GLIS3: variants seen among roughly 807,000 people sequenced by gnomAD.
GLIS3 encodes the protein zinc finger protein GLIS3.
In GLIS3, 53 loss-of-function variants were observed where a neutral mutation model predicts 78.6. The observed-to-expected ratio is 0.67, with a 90% CI of 0.54 to 0.85. The LOEUF (loss-of-function observed/expected upper bound fraction) is 0.85. Ranked by LOEUF, GLIS3 falls within the 40% of genes least tolerant of loss-of-function variation. The pLI, the probability that GLIS3 is intolerant of heterozygous loss-of-function variation, is 0.00. For synonymous variants in GLIS3, 684 were observed against 509.9 expected, an observed-to-expected ratio of 1.34 and a Z score of -4.60; for missense variants, 1,703 against 1,231.1, an observed-to-expected ratio of 1.38 and a Z score of -5.74.
At chr9:4,351,483 T>C (rs945148749), upstream of GLIS3, among the ~76,000 whole-genome samples, 1 of 151,904 alleles carries the variant, frequency 6.6e-6, no homozygotes, top group Non-Finnish European at 1.5e-5. Context: ...TACAAAAGTT[T>C]AGAATATACA....
the GLIS3 span, among the ~76,000 whole-genome samples, chr9:4,456,344 TTAAAA>T: frequency 6.6e-6 from 1 of 152,220 alleles, no homozygotes; most frequent in Non-Finnish European, 1.5e-5. Flanking sequence ...TGGCAATTTC[TTAAAA>T]TAAAACAACA....
At chr9:4,370,183 C>CAAAAAAAAAAAAAAAAAAA in the GLIS3 span, among the ~76,000 whole-genome samples, 1 of 88,380 alleles carries the variant, frequency 1.1e-5, no homozygotes, top group Non-Finnish European at 2.1e-5. Flanking sequence ...GACTCCATCT[C>CAAAAAAAAAAAAAAAAAAA]AAAAAAAAAA....
the GLIS3 span, among the ~76,000 whole-genome samples, chr9:4,431,631 G>T: frequency 1.3e-5 from 2 of 152,176 alleles, no homozygotes; most frequent in Non-Finnish European, 2.9e-5. Context: ...GATCACTTGA[G>T]ATCAGGAGTT....
chr9:4,220,274 C>A (rs1309890498), intron 2 of GLIS3, among the ~76,000 whole-genome samples: 1 of 152,142 alleles, frequency 6.6e-6, no homozygotes, highest in African/African-American at 2.4e-5. Context: ...AAATGATTAG[C>A]TTTTATCCTA....
chr9:4,490,128 G>C, the GLIS3 span, among the ~76,000 whole-genome samples: 2 of 152,204 alleles, frequency 1.3e-5, no homozygotes, highest in African/African-American at 4.8e-5. Context: ...AGGGAGACGT[G>C]CAGGATGAAG....
intron 10 of GLIS3, among the ~76,000 whole-genome samples, 194 bp from the exon 11 acceptor site, chr9:3,828,602 C>T (rs1013970881): frequency 3.3e-5 from 5 of 152,090 alleles, no homozygotes; most frequent in African/African-American, 1.2e-4. Flanking sequence ...AGGCAGCTGG[C>T]TAAAATATGA....
chr9:4,320,125 C>T (rs370571316), intron 2 of GLIS3, among the ~76,000 whole-genome samples: 1 of 152,062 alleles, frequency 6.6e-6, no homozygotes, highest in African/African-American at 2.4e-5. Flanking sequence ...TTTGACTTCC[C>T]AATGGGCGTA....
the GLIS3 span, among the ~76,000 whole-genome samples, chr9:4,473,132 A>G: frequency 6.6e-6 from 1 of 152,148 alleles, no homozygotes; most frequent in Non-Finnish European, 1.5e-5. Flanking sequence ...AGCACTATTC[A>G]CAATAGCCAA....
rs201142941 is a variant in GLIS3 at position 4,286,285 on chromosome 9, C to T, written c.141G>A (p.Ser47=). 8.1e-5 allele frequency: 130 copies of T among 1,614,074 alleles called. No homozygotes were observed. The highest frequency in any genetic ancestry group is 1.0e-4 in the Non-Finnish European group (119 of 1,180,050). ...TPGPSPCGST[S]SPTMASLANN... ...TAGCAAGGCTTGCCATAGTGGGACT[C>T]GATGTGCTGCCACAGGGCGAGGGGC... is the stretch of plus-strand genomic sequence containing the variant. The change falls in exon 2 of 11, where the codon TCG becomes TCA. Residue 47 remains serine, a synonymous_variant. Transcript: ENST00000381971.
chr9:4,269,661 A>G (rs1409153869), intron 2 of GLIS3, among the ~76,000 whole-genome samples: 1 of 152,176 alleles, frequency 6.6e-6, no homozygotes, highest in Non-Finnish European at 1.5e-5. Context: ...TTATTTTATT[A>G]TAAATTATAT....
chr9:3,943,445 G>T (rs917331762), intron 4 of GLIS3, among the ~76,000 whole-genome samples: 3 of 152,070 alleles, frequency 2.0e-5, no homozygotes, highest in African/African-American at 7.2e-5. Flanking sequence ...TCCTTAACAG[G>T]GCACTGAACT....
At chr9:3,860,348 T>C (rs1018259211) in intron 8 of GLIS3, among the ~76,000 whole-genome samples, 16 of 149,516 alleles carry the variant, frequency 1.1e-4, no homozygotes, top group Non-Finnish European at 7.4e-5. Flanking sequence ...TGCAAATATG[T>C]ATCTCCACCT....
At chr9:4,280,984 T>A (rs4543598) in intron 2 of GLIS3, among the ~76,000 whole-genome samples, 152,140 of 152,346 alleles carry the variant, frequency 1, 75,968 homozygotes, top group Non-Finnish European at 1. Context: ...TAATTTTTTC[T>A]TGGTTCCCCT....
intron 2 of GLIS3, among the ~76,000 whole-genome samples, chr9:4,174,857 C>G (rs1004420672): frequency 1.1e-4 from 17 of 152,072 alleles, no homozygotes; most frequent in Non-Finnish European, 2.4e-4. Flanking sequence ...GGCATCTGAC[C>G]TGGTTTAATT....
At chr9:3,874,362 G>T (rs1821163508) in intron 8 of GLIS3, among the ~76,000 whole-genome samples, 1 of 152,252 alleles carries the variant, frequency 6.6e-6, no homozygotes, top group Non-Finnish European at 1.5e-5. Flanking sequence ...AGAGGGCATG[G>T]AGGTTCTGTG....
At chr9:4,224,476 C>G (rs1473399070) in intron 2 of GLIS3, among the ~76,000 whole-genome samples, 1 of 152,186 alleles carries the variant, frequency 6.6e-6, no homozygotes, top group African/African-American at 2.4e-5. Context: ...AAATCACTAT[C>G]TTGTGTCTCA....
intron 4 of GLIS3, among the ~76,000 whole-genome samples, chr9:3,985,375 T>C (rs1819655738): frequency 6.6e-6 from 1 of 152,186 alleles, no homozygotes; most frequent in Non-Finnish European, 1.5e-5. Context: ...CTCAAACTCC[T>C]GAGCTCAGGC....
intron 4 of GLIS3, among the ~76,000 whole-genome samples, chr9:3,974,107 A>G (rs1333719409): frequency 2.0e-5 from 3 of 152,180 alleles, no homozygotes; most frequent in African/African-American, 7.2e-5. Context: ...AAGCTCTTCA[A>G]GACCTTCCCA....
chr9:3,936,180 A>G (rs546479511), intron 5 of GLIS3, among the ~76,000 whole-genome samples: 1 of 152,208 alleles, frequency 6.6e-6, no homozygotes, highest in Non-Finnish European at 1.5e-5. Flanking sequence ...GAGATCTGTG[A>G]TGTGTATAAT....
Sources: gnomAD v4.1 joint callset for allele counts (sites outside exome capture counted in the v4.1 genomes callset) on GRCh38, gnomAD v4.1.1 for gene constraint, MANE v1.5 for transcripts, NCBI Gene and HGNC (gene_info 2026-07-23, HGNC 2026-07-21) for gene names.